The following CFAP69 variants were observed in gnomAD, a reference collection of about 807,000 sequenced individuals.
CFAP69 encodes cilia- and flagella-associated protein 69.
CFAP69 carries 92 observed loss-of-function variants against 123.0 expected under a neutral mutation model. That is an observed-to-expected ratio of 0.75 (90% CI 0.63 to 0.89). CFAP69 has a LOEUF of 0.89. CFAP69 is among the 40% of genes least tolerant of loss of function. CFAP69 has a pLI of 0.00. For synonymous variants in CFAP69, 380 were observed against 364.3 expected, an observed-to-expected ratio of 1.04 and a Z score of -0.49; for missense variants, 1,067 against 1,096.9, an observed-to-expected ratio of 0.97 and a Z score of 0.39.
intron 15 of CFAP69, among the ~76,000 whole-genome samples, chr7:90,297,419 G>T (rs1278551398): frequency 6.6e-6 from 1 of 152,106 alleles, no homozygotes; most frequent in Non-Finnish European, 1.5e-5. Context: ...AACAATAAAT[G>T]GATATATCTT....
At position 90,245,377 on chromosome 7, in the gene CFAP69, C is replaced by G. The variant is rs773898201; in HGVS notation, c.-48C>G. The G allele has an allele frequency of 1.3e-6, 2 of 1,486,520 alleles. No individual in the cohort carries two copies. The highest frequency in any genetic ancestry group is 8.9e-7 in the Non-Finnish European group (1 of 1,118,590). 92.1% of individuals were successfully genotyped at this position (1,486,520 alleles called of 1,614,324 possible). ...TTTGGGCCCAGCGGCTGCGGGCGCA[C>G]TGTAGGACAGGAAGATCCCCCCACT... On this transcript the variant is annotated 5_prime_UTR_variant, in exon 1 of 23. Transcript: ENST00000389297.
chr7:90,280,952 GA>G (rs1789401120), intron 12 of CFAP69, among the ~76,000 whole-genome samples: 1 of 152,130 alleles, frequency 6.6e-6, no homozygotes, highest in African/African-American at 2.4e-5. Context: ...ATTTTCCACT[GA>G]ATAAAGCAAT....
At chr7:90,277,951 A>G (rs1788851692) in intron 11 of CFAP69, among the ~76,000 whole-genome samples, 1 of 152,072 alleles carries the variant, frequency 6.6e-6, no homozygotes, top group Non-Finnish European at 1.5e-5. Flanking sequence ...AAAGATTATA[A>G]TGCTTCAGCT....
intron 17 of CFAP69, chr7:90,301,528 T>C (rs2117358764): frequency 6.6e-6 from 1 of 152,304 alleles, no homozygotes; most frequent in Non-Finnish European, 1.5e-5. Context: ...CTCCTCCATG[T>C]GTCCATGAAT....
At chr7:90,263,830 C>A (rs1477270632) in intron 4 of CFAP69, among the ~76,000 whole-genome samples, 1 of 151,766 alleles carries the variant, frequency 6.6e-6, no homozygotes, top group African/African-American at 2.4e-5. Context: ...TGGCTCATAC[C>A]TGTTAATCCC....
At chr7:90,283,308 A>G (rs898446955) in intron 13 of CFAP69, among the ~76,000 whole-genome samples, 1 of 152,144 alleles carries the variant, frequency 6.6e-6, no homozygotes, top group Admixed American at 6.6e-5. Flanking sequence ...ATCTTTTTTT[A>G]AAATGGTCTA....
chr7:90,301,542 C>G (rs1792809433), intron 17 of CFAP69: 1 of 152,120 alleles, frequency 6.6e-6, no homozygotes, highest in African/African-American at 2.4e-5. Context: ...CATGAATTCT[C>G]ATCATTTAGA....
downstream of CFAP69, among the ~76,000 whole-genome samples, chr7:90,313,318 C>T (rs1794483267): frequency 6.6e-6 from 1 of 152,324 alleles, no homozygotes; most frequent in South Asian, 2.1e-4. Flanking sequence ...ACAACCTTAA[C>T]TTACATTAGT....
Position 90,283,007 on chromosome 7 carries a change from G to A in CFAP69, c.1488G>A (p.Glu496=). Residue 496 remains glutamate, a synonymous_variant, in exon 13 of 23, where the codon GAG becomes GAA. Transcript: ENST00000389297. The part of the protein sequence containing the change: ...LLRAVVYLED[E]TVNKDLCEKG... ...GAGCCGTGGTCTACCTTGAAGATGA[G>A]ACTGTAAACAAAGATCTTTGTGAAA... The A allele has an allele frequency of 1.3e-6, 2 of 1,587,178 alleles. No individual in the cohort carries two copies. The highest frequency in any genetic ancestry group is 1.7e-6 in the Non-Finnish European group (2 of 1,167,978).
chr7:90,304,930 T>C, intron 19 of CFAP69, 110 bp downstream of exon 19: 1 of 812,014 alleles, frequency 1.2e-6, no homozygotes, highest in Non-Finnish European at 1.8e-6. Context: ...ACTGTATAGT[T>C]TTTATTTTTC....
At chr7:90,298,480 G>C (rs184042445) in intron 16 of CFAP69, among the ~76,000 whole-genome samples, 51 of 152,298 alleles carry the variant, frequency 3.3e-4, no homozygotes, top group Non-Finnish European at 6.9e-4. Flanking sequence ...TTCTCACACA[G>C]AGTTCTAGCC....
Position 90,288,395 on chromosome 7 carries a change from A to C in CFAP69, c.1775+43A>C. The C allele has an allele frequency of 1.9e-6, 3 of 1,588,284 alleles. No individual in the cohort carries two copies. The South Asian group carries it at 3.4e-5, about 18-fold the overall frequency. ...CAAATTAGGTAGACTCACAGCAGTC[A>C]TGCATCACTTTACAACAGTGAGGAT... On this transcript the variant is annotated intron_variant, in intron 15 of 22. Coordinates refer to ENST00000389297, the MANE Select transcript of CFAP69 (RefSeq NM_001039706.3).
chr7:90,280,675 C>A (rs181676162), intron 12 of CFAP69, among the ~76,000 whole-genome samples: 1 of 152,324 alleles, frequency 6.6e-6, no homozygotes, highest in Admixed American at 6.5e-5. Context: ...CCAGTGTGGT[C>A]TACCAAATTA....
intron 1 of CFAP69, 96 bp downstream of exon 1, chr7:90,245,640 G>T: frequency 1.4e-6 from 2 of 1,389,944 alleles, no homozygotes; most frequent in Non-Finnish European, 1.9e-6. Context: ...TGGAACTGGG[G>T]ACAGGAGTGA....
chr7:90,290,461 T>C (rs907883550), intron 15 of CFAP69, among the ~76,000 whole-genome samples: 14 of 152,238 alleles, frequency 9.2e-5, no homozygotes, highest in African/African-American at 3.1e-4. Context: ...AGATCTTCAG[T>C]TGCTTGCATA....
At chr7:90,298,006 G>T (rs1373390400) in intron 16 of CFAP69, among the ~76,000 whole-genome samples, 176 bp downstream of exon 16, 3 of 152,116 alleles carry the variant, frequency 2.0e-5, no homozygotes, top group African/African-American at 7.2e-5. Flanking sequence ...TGTTTTAAAG[G>T]CTCTGAAAAT....
chr7:90,289,644 A>C (rs1166543919), intron 15 of CFAP69, among the ~76,000 whole-genome samples: 1 of 152,102 alleles, frequency 6.6e-6, no homozygotes, highest in Non-Finnish European at 1.5e-5. Flanking sequence ...CCAATTTACC[A>C]GTCTTTTTTT....
intron 4 of CFAP69, 26 bp from the exon 5 acceptor site, chr7:90,265,275 G>C (rs1798998518): frequency 6.7e-7 from 1 of 1,483,986 alleles, no homozygotes; most frequent in Non-Finnish European, 9.4e-7. Context: ...AAAAATTACT[G>C]TTACAATTCT....
chr7:90,270,219 G>A (rs1020278053), intron 6 of CFAP69: 2 of 152,096 alleles, frequency 1.3e-5, no homozygotes, highest in Non-Finnish European at 1.5e-5. Context: ...CTTTAATGGT[G>A]TTATATCCCT....
Sources: allele counts gnomAD v4.1 joint callset (sites outside exome capture counted in the v4.1 genomes callset), GRCh38; gene constraint gnomAD v4.1.1; transcripts MANE v1.5; gene names NCBI Gene and HGNC (gene_info 2026-07-23, HGNC 2026-07-21).